Variants in ANTXRL observed in about 807,000 individuals in gnomAD.
ANTXRL encodes anthrax toxin receptor-like.
Under a neutral mutation model 75.4 loss-of-function variants are expected in ANTXRL, and 63 were observed. The observed-to-expected ratio is 0.84, with a 90% CI of 0.68 to 1.03. The LOEUF (loss-of-function observed/expected upper bound fraction) is 1.03. Among genes scored for constraint, ANTXRL ranks in the 50% least tolerant of loss-of-function variants. The pLI is 0.00. For missense variants in ANTXRL, 797 were observed against 789.4 expected (o/e 1.01, Z -0.12); for synonymous variants, 335 against 291.3 (o/e 1.15, Z -1.53).
rs1367091666 is a variant in ANTXRL, at chr10:46,329,808, C to A, written c.1620C>A (p.Ser540Arg). Residue 540 changes from serine to arginine, a missense_variant, in exon 17 of 17, where the codon AGC becomes AGA. This residue lies in a region of ANTXRL where 479 missense variants were observed against 422.0 expected (regional missense o/e 1.14). Coordinates refer to ENST00000620264, the MANE Select transcript of ANTXRL (RefSeq NM_001278688.3). ...TCTGCCTGAGACACAGCCAACACAG[C>A]AGGGAGTGCCTTGCCCGCAAACAGG... The part of the protein sequence containing the change: ...PNICLRHSQH[S>R]RECLARKQAP... The A allele has an allele frequency of 6.5e-7, 1 of 1,533,880 alleles. No homozygotes were observed. Among genetic ancestry groups the A allele is most frequent in the Non-Finnish European group, 8.7e-7 (1 of 1,146,010 alleles).
At chr10:46,307,745 T>C (rs1157500286) in intron 12 of ANTXRL, among the ~76,000 whole-genome samples, 4 of 151,908 alleles carry the variant, frequency 2.6e-5, no homozygotes, top group Admixed American at 2.6e-4. Context: ...GCCGTCAGGG[T>C]ATGTGTGTGC....
At chr10:46,295,739 G>T (rs1300101710) in intron 3 of ANTXRL, among the ~76,000 whole-genome samples, 1 of 152,132 alleles carries the variant, frequency 6.6e-6, no homozygotes, top group African/African-American at 2.4e-5. Context: ...ACTCACAGTT[G>T]CTCATCCATG....
intron 1 of ANTXRL, 61 bp from the exon 2 acceptor site, chr10:46,291,997 A>T: frequency 6.8e-7 from 1 of 1,472,088 alleles, no homozygotes; most frequent in Admixed American, 2.0e-5. Flanking sequence ...GGGGCGGGGC[A>T]GACACTTGCC....
chr10:46,319,448 A>G (rs551612742), intron 16 of ANTXRL, among the ~76,000 whole-genome samples: 32 of 152,176 alleles, frequency 2.1e-4, no homozygotes, highest in Non-Finnish European at 3.8e-4. Context: ...GACTATTAGG[A>G]TGACTACAAA....
intron 5 of ANTXRL, 93 bp from the exon 6 acceptor site, chr10:46,297,159 G>A: frequency 2.8e-6 from 3 of 1,066,354 alleles, no homozygotes; most frequent in East Asian, 2.6e-5. Context: ...AGTGGGCAGC[G>A]CTGTGGGCCC....
chr10:46,286,188 T>C (rs148356012), upstream of ANTXRL, among the ~76,000 whole-genome samples: 3 of 152,240 alleles, frequency 2.0e-5, no homozygotes, highest in Admixed American at 6.5e-5. Context: ...TTGGCAGCTG[T>C]GACTGCTTGG....
chr10:46,312,518 C>T (rs1838488360), intron 15 of ANTXRL, among the ~76,000 whole-genome samples: 1 of 147,252 alleles, frequency 6.8e-6, no homozygotes, highest in African/African-American at 2.5e-5. Flanking sequence ...TGTCTGTGGT[C>T]GGATCTCTTG....
intron 16 of ANTXRL, among the ~76,000 whole-genome samples, chr10:46,316,974 G>A (rs1359897877): frequency 6.6e-6 from 1 of 152,180 alleles, no homozygotes; most frequent in African/African-American, 2.4e-5. Flanking sequence ...CACACTGCAA[G>A]GACATGACAT....
rs931406027 is a variant in ANTXRL, at chr10:46,323,470, T to A, written c.1411-6129T>A. 2.1e-4 allele frequency among the ~76,000 whole-genome samples: 32 copies of A among 152,266 alleles called. 1 individual carries two copies. The highest frequency in any genetic ancestry group is 7.5e-4 in the African/African-American group (31 of 41,546). ...GGAGATTAGAAGACATCGGGAAGAA[T>A]TTCATAAGATGCTAGATGGCTTGCT... is the stretch of plus-strand genomic sequence containing the variant. On this transcript the variant is annotated intron_variant, in intron 16 of 16. Coordinates refer to ENST00000620264, the MANE Select transcript of ANTXRL (RefSeq NM_001278688.3).
At chr10:46,328,946 T>C (rs1554966972) in intron 16 of ANTXRL, among the ~76,000 whole-genome samples, 1 of 152,112 alleles carries the variant, frequency 6.6e-6, no homozygotes, top group African/African-American at 2.4e-5. Context: ...GATCAAGTCT[T>C]CAGACAGGGT....
At position 46,329,682 on chromosome 10, in the gene ANTXRL, G is replaced by T. The variant is rs1474185680; in HGVS notation, c.1494G>T (p.Gln498His). The T allele has an allele frequency of 2.0e-6, 3 of 1,536,166 alleles. No homozygotes were observed. The highest frequency in any genetic ancestry group is 2.6e-6 in the Non-Finnish European group (3 of 1,146,832). The change falls in exon 17 of 17, where the codon CAG (glutamine) becomes CAT (histidine). Residue 498 changes from glutamine (Q) to histidine (H), a missense_variant. Around this residue, in one of 3 missense-constraint regions of ANTXRL, gnomAD observed 479 missense variants for 422.0 expected, o/e 1.14. Transcript: ENST00000620264. ...CCPRICFPHS[Q>H]ECLSLPQAPC... is the part of the protein sequence containing the mutation. Reference sequence around the variant, plus strand: ...CAAGGATCTGCTTTCCACACAGCCAGGAGTGCCTTTCCCTACCACAGGCTC... The same window carrying T: ...CAAGGATCTGCTTTCCACACAGCCATGAGTGCCTTTCCCTACCACAGGCTC...
chr10:46,311,795 A>G (rs1838444092), intron 15 of ANTXRL, 130 bp downstream of exon 15: 3 of 559,062 alleles, frequency 5.4e-6, no homozygotes, highest in South Asian at 4.7e-5. Flanking sequence ...GACTTTGGAC[A>G]CTTGATGTCA....
intron 1 of ANTXRL, among the ~76,000 whole-genome samples, chr10:46,289,674 T>A (rs1836902767): frequency 6.6e-6 from 1 of 152,110 alleles, no homozygotes; most frequent in South Asian, 2.1e-4. Context: ...GACTGCTGTG[T>A]GTCAAGATTA....
chr10:46,290,321 C>A (rs560656091), intron 1 of ANTXRL, among the ~76,000 whole-genome samples: 3 of 152,270 alleles, frequency 2.0e-5, no homozygotes, highest in African/African-American at 7.2e-5. Context: ...GGATTCCAAG[C>A]GTGAGCCACC....
chr10:46,311,046 C>T (rs1838389971), intron 14 of ANTXRL, among the ~76,000 whole-genome samples: 2 of 152,068 alleles, frequency 1.3e-5, no homozygotes, highest in Non-Finnish European at 2.9e-5. Context: ...AGTCCGGGAA[C>T]AAGTTGTGGC....
In ANTXRL at chr10:46,328,132, T is replaced by G. The variant is rs116212190; in HGVS notation, c.1411-1467T>G. On this transcript the variant is annotated intron_variant, in intron 16 of 16. Transcript: ENST00000620264. The stretch of plus-strand genomic sequence containing the variant: ...CTTTCTGCCAGGACATGACTGGAAA[T>G]ACCAAGCAGGGTGGTCACTTTAGCT... 9.8e-3 allele frequency among the ~76,000 whole-genome samples: 1,497 copies of G among 152,156 alleles called. 32 individuals carry two copies. Among genetic ancestry groups the G allele is most frequent in the African/African-American group, 0.032 (1,336 of 41,482 alleles).
intron 2 of ANTXRL, among the ~76,000 whole-genome samples, chr10:46,293,288 G>A (rs1247577517): frequency 1.9e-5 from 1 of 52,020 alleles, no homozygotes; most frequent in African/African-American, 5.2e-5. Flanking sequence ...GAGAGTGTGT[G>A]CGTGTGTGCC....
At chr10:46,319,121 G>A (rs1838865637) in intron 16 of ANTXRL, among the ~76,000 whole-genome samples, 1 of 152,130 alleles carries the variant, frequency 6.6e-6, no homozygotes, top group South Asian at 2.1e-4. Context: ...GTTAGGCTGT[G>A]GTTCATATGT....
At chr10:46,293,495 T>A (rs1837161951) in intron 2 of ANTXRL, among the ~76,000 whole-genome samples, 1 of 127,264 alleles carries the variant, frequency 7.9e-6, no homozygotes, top group Non-Finnish European at 1.7e-5. Context: ...GGTGTTTGTG[T>A]GGTGTGTGCA....
Sources: allele counts gnomAD v4.1 joint callset (sites outside exome capture counted in the v4.1 genomes callset), GRCh38; gene constraint gnomAD v4.1.1; regional missense constraint gnomAD v4.1.1; transcripts MANE v1.5; gene names NCBI Gene and HGNC (gene_info 2026-07-23, HGNC 2026-07-21).